Variants in COPS7A observed in about 807,000 individuals in gnomAD.
COPS7A encodes the protein COP9 signalosome subunit 7A.
In COPS7A, 20 loss-of-function variants were observed where a neutral mutation model predicts 35.2. That is an observed-to-expected ratio of 0.57 (90% CI 0.40 to 0.83). COPS7A has a LOEUF of 0.83. Among genes scored for constraint, COPS7A ranks in the 40% least tolerant of loss-of-function variants. The pLI, the probability that COPS7A is intolerant of heterozygous loss-of-function variation, is 0.00. For missense variants in COPS7A, 247 were observed against 347.5 expected (o/e 0.71, Z 2.30); for synonymous variants, 139 against 141.4 (o/e 0.98, Z 0.12).
intron 7 of COPS7A, 83 bp from the exon 8 acceptor site, chr12:6,730,917 G>A (rs1248418698): frequency 6.9e-6 from 11 of 1,588,192 alleles, no homozygotes; most frequent in Middle Eastern, 2.0e-4. Context: ...TTGCATGGGA[G>A]TAGGGAGTGG....
intron 2 of COPS7A, among the ~76,000 whole-genome samples, chr12:6,726,421 G>A (rs1941255356): frequency 6.6e-6 from 1 of 151,452 alleles, no homozygotes; most frequent in Non-Finnish European, 1.5e-5. Context: ...GGCCAAGATG[G>A]CAAAACCCCG....
intron 2 of COPS7A, 184 bp from the exon 3 acceptor site, chr12:6,727,742 A>G (rs773745401): frequency 4.3e-6 from 3 of 695,508 alleles, no homozygotes; most frequent in Non-Finnish European, 2.6e-6. Flanking sequence ...AAAAGCCTGA[A>G]GGTGGAAATG....
intron 7 of COPS7A, 63 bp from the exon 8 acceptor site, chr12:6,730,937 C>A (rs1293238035): frequency 6.3e-7 from 1 of 1,589,374 alleles, no homozygotes; most frequent in Non-Finnish European, 8.6e-7. Flanking sequence ...GGGGAGCCTC[C>A]AGGGGTTAGG....
At position 6,724,159 on chromosome 12, in the gene COPS7A, G is replaced by A. The variant is rs1002897111; in HGVS notation, c.-64G>A. The stretch of plus-strand genomic sequence containing the variant: ...TGGAGGTCGAAGCTTCCAGGTAGCG[G>A]CCCGCAGAGCCTGACCCAGGGTACG... On this transcript the variant is annotated 5_prime_UTR_variant, in exon 1 of 8. Coordinates refer to ENST00000543155, the MANE Select transcript of COPS7A (RefSeq NM_001164094.2). The A allele has an allele frequency of 4.0e-6, 1 of 252,764 alleles. No homozygotes were observed. Among genetic ancestry groups the A allele is most frequent in the Non-Finnish European group, 8.0e-6 (1 of 124,936 alleles). The allele number at this position is 252,764 out of a possible 1,614,324, so 15.7% of individuals were successfully genotyped here. A position where few individuals can be genotyped will look rare whatever the true frequency, so the allele number is the denominator to read the frequency against.
rs1032124527 is a variant in COPS7A, at chr12:6,727,956, C to T, written c.193C>T (p.Arg65Trp). The T allele has an allele frequency of 9.9e-6, 16 of 1,614,010 alleles. No homozygotes were observed. Among genetic ancestry groups the T allele is most frequent in the South Asian group, 2.2e-5 (2 of 91,088 alleles). Residue 65 changes from arginine to tryptophan, a missense_variant, in exon 3 of 8, where the codon CGG becomes TGG. Coordinates refer to ENST00000543155, the MANE Select transcript of COPS7A (RefSeq NM_001164094.2). ...TGAGAGTGACTTTGCCTCTACCTTCCGGCTGCTCACAGTGTTTGCTTATGG... is the reference window on the plus strand; with the variant it reads ...TGAGAGTGACTTTGCCTCTACCTTCTGGCTGCTCACAGTGTTTGCTTATGG... Reference protein sequence around the residue: ...LAESDFASTFRLLTVFAYGTY... With the variant: ...LAESDFASTFWLLTVFAYGTY...
Position 6,731,263 on chromosome 12 carries a change from A to G in COPS7A, c.*224A>G. 8 of 1,446,848 alleles carry G rather than the reference A, an allele frequency of 5.5e-6. No individual in the cohort carries two copies. The highest frequency in any genetic ancestry group is 5.4e-6 in the Non-Finnish European group (6 of 1,101,618). The allele number at this position is 1,446,848 out of a possible 1,614,324, so 89.6% of individuals were successfully genotyped here. A position where few individuals can be genotyped will look rare whatever the true frequency, so the allele number is the denominator to read the frequency against. ...TGTTTTTTGTGACTTCATGTGTTCC[A>G]TTGCTCCCCGCTGCCATGCTCTCTC... On this transcript the variant is annotated 3_prime_UTR_variant, in exon 8 of 8. Coordinates refer to ENST00000543155, the MANE Select transcript of COPS7A (RefSeq NM_001164094.2).
intron 2 of COPS7A, chr12:6,725,779 A>T: frequency 2.2e-6 from 1 of 456,128 alleles, no homozygotes; most frequent in Non-Finnish European, 4.4e-6. Flanking sequence ...AACTGAGCTA[A>T]GTTATTTGGG....
chr12:6,730,372 G>A (rs1163519334), intron 5 of COPS7A, 30 bp from the exon 6 acceptor site: 3 of 1,606,020 alleles, frequency 1.9e-6, no homozygotes, highest in African/African-American at 1.3e-5. Flanking sequence ...GCCCTTGTCT[G>A]CTGACACTTC....
At position 6,727,949 on chromosome 12, in the gene COPS7A, TA is replaced by T; in HGVS notation, c.187del (p.Thr63ProfsTer17). On this transcript the variant is annotated frameshift_variant, in exon 3 of 8. Coordinates refer to ENST00000543155, the MANE Select transcript of COPS7A (RefSeq NM_001164094.2). LOFTEE classifies it high-confidence loss of function. ...AGCTGGCTGAGAGTGACTTTGCCTC[TA>T]CCTTCCGGCTGCTCACAGTGTTTGC... ...RELAESDFAS[T>X]FRLLTVFAYG... 6.2e-7 allele frequency: 1 copy of T among 1,614,178 alleles called. No homozygotes were observed. The highest frequency in any genetic ancestry group is 8.5e-7 in the Non-Finnish European group (1 of 1,180,040).
intron 6 of COPS7A, 23 bp downstream of exon 6, chr12:6,730,530 A>C: frequency 6.2e-7 from 1 of 1,613,000 alleles, no homozygotes; most frequent in South Asian, 1.1e-5. Context: ...GGGAGCAGGC[A>C]GACCCAAACT....
chr12:6,730,611 C>A, intron 6 of COPS7A, 58 bp from the exon 7 acceptor site: 1 of 1,610,422 alleles, frequency 6.2e-7, no homozygotes, highest in Non-Finnish European at 8.5e-7. Context: ...ACCAGATGAG[C>A]AGGGGCTGGA....
chr12:6,731,227 T>A lies in COPS7A; in HGVS notation c.*188T>A, dbSNP rs141139415. The stretch of plus-strand genomic sequence containing the variant: ...GAGGCAAATGTAGGTCATGTTTTTG[T>A]TGGTACTTTCTGTTTTTTGTGACTT... On this transcript the variant is annotated 3_prime_UTR_variant, in exon 8 of 8. Transcript: ENST00000543155. 1 of 1,476,364 alleles carries A rather than the reference T, an allele frequency of 6.8e-7. No individual in the cohort carries two copies. The highest frequency in any genetic ancestry group is 9.0e-7 in the Non-Finnish European group (1 of 1,114,330). 91.5% of individuals were successfully genotyped at this position (1,476,364 alleles called of 1,614,324 possible). A position where few individuals can be genotyped will look rare whatever the true frequency, so the allele number is the denominator to read the frequency against.
In COPS7A at chr12:6,729,906, T is replaced by C. The variant is rs1210482313; in HGVS notation, c.530+457T>C. On this transcript the variant is annotated intron_variant, in intron 5 of 7. Transcript: ENST00000543155. This position sits in a 1 kb window ranked among gnomAD's most constrained non-coding sequence, Gnocchi z 4.2. Reference sequence around the variant, plus strand: ...TTTTCAGTTCCTACTCCCATCTTGCTCATCACTCCAGGCGCTTCCTTATCC... The same window carrying C: ...TTTTCAGTTCCTACTCCCATCTTGCCCATCACTCCAGGCGCTTCCTTATCC... Among the ~76,000 whole-genome samples, 1 of 152,212 alleles carries C rather than the reference T, an allele frequency of 6.6e-6. No individual in the cohort carries two copies.
At position 6,729,578 on chromosome 12, in the gene COPS7A, C is replaced by A; in HGVS notation, c.530+129C>A. ...CCAAGAGGATGAAGGGAAATGAGTT[C>A]ATCCCTCCAAAGGCTTCTGGGGAAT... On this transcript the variant is annotated intron_variant, in intron 5 of 7. Transcript: ENST00000543155. The surrounding 1 kb of genome is among the most constrained non-coding windows in gnomAD (Gnocchi z 4.2). The A allele has an allele frequency of 2.0e-6, 2 of 989,554 alleles. No individual in the cohort carries two copies. Among genetic ancestry groups the A allele is most frequent in the Non-Finnish European group, 3.0e-6 (2 of 677,186 alleles). The allele number at this position is 989,554 out of a possible 1,614,324, so 61.3% of individuals were successfully genotyped here. A position where few individuals can be genotyped will look rare whatever the true frequency, so the allele number is the denominator to read the frequency against.
rs371945691 is a variant in COPS7A, at chr12:6,730,427, T to G, written c.556T>G (p.Ser186Ala). 59 of 1,613,978 alleles carry G rather than the reference T, an allele frequency of 3.7e-5. No individual in the cohort carries two copies. The highest frequency in any genetic ancestry group is 4.3e-5 in the Non-Finnish European group (51 of 1,180,020). ...GTGTGTGGGCTGTGAGGTCGTGCTGTCAGGCATTGAGGAGCAGGTGAGCCG... is the reference window on the plus strand; with the variant it reads ...GTGTGTGGGCTGTGAGGTCGTGCTGGCAGGCATTGAGGAGCAGGTGAGCCG... Reference protein sequence around the residue: ...EWCVGCEVVLSGIEEQVSRAN... With the variant: ...EWCVGCEVVLAGIEEQVSRAN... Residue 186 changes from serine (S) to alanine (A), a missense_variant, in exon 6 of 8, where the codon TCA becomes GCA. Ser to Ala is a moderately conservative substitution (Grantham distance 99). Coordinates refer to ENST00000543155, the MANE Select transcript of COPS7A (RefSeq NM_001164094.2).
intron 3 of COPS7A, 27 bp downstream of exon 3, chr12:6,728,028 G>A (rs1480627229): frequency 1.2e-6 from 2 of 1,608,950 alleles, no homozygotes; most frequent in South Asian, 1.1e-5. Flanking sequence ...GTGCTCTGGA[G>A]TAATGGAGAT....
intron 2 of COPS7A, among the ~76,000 whole-genome samples, chr12:6,725,342 A>G (rs1941225094): frequency 6.6e-6 from 1 of 151,936 alleles, no homozygotes; most frequent in Admixed American, 6.6e-5. Flanking sequence ...TATTTTTAGT[A>G]GAGATGGGAT....
chr12:6,728,480 T>C (rs1461703066), intron 4 of COPS7A, among the ~76,000 whole-genome samples, 169 bp downstream of exon 4: 1 of 152,094 alleles, frequency 6.6e-6, no homozygotes, highest in African/African-American at 2.4e-5. Context: ...GTATTCTTAG[T>C]TTTCTGTGTT....
intron 2 of COPS7A, 116 bp from the exon 3 acceptor site, chr12:6,727,810 G>A: frequency 1.1e-6 from 1 of 887,238 alleles, no homozygotes; most frequent in South Asian, 1.4e-5. Flanking sequence ...GGTGAGCCAG[G>A]AGAGTTAACA....
Sources: gnomAD v4.1 joint callset for allele counts (sites outside exome capture counted in the v4.1 genomes callset) on GRCh38, gnomAD v4.1.1 for gene constraint, Gnocchi (gnomAD v3.1) non-coding constraint, MANE v1.5 for transcripts, NCBI Gene and HGNC (gene_info 2026-07-23, HGNC 2026-07-21) for gene names.